The following SLC35F1 variants were observed in gnomAD, a reference collection of about 807,000 sequenced individuals.
The protein encoded by SLC35F1 is chromosome 6 open reading frame 169.
A neutral mutation model predicts 48.7 loss-of-function variants in SLC35F1; 14 were observed. The observed-to-expected ratio is 0.29, with a 90% CI of 0.19 to 0.45. The LOEUF (loss-of-function observed/expected upper bound fraction) is 0.45, where lower values mean the gene tolerates loss of function less well. SLC35F1 is among the 20% of genes least tolerant of loss of function. The probability of loss-of-function intolerance (pLI) is 1.00; values close to 1 mark genes in which losing one functional copy is unlikely to be tolerated. For missense variants in SLC35F1, 404 were observed against 500.0 expected (o/e 0.81, Z 1.83); for synonymous variants, 190 against 202.2 (o/e 0.94, Z 0.51).
chr6:118,263,464 G>T (rs1775736852), intron 3 of SLC35F1, among the ~76,000 whole-genome samples: 1 of 152,078 alleles, frequency 6.6e-6, no homozygotes. Context: ...GGGGAAAAAA[G>T]GAATCTATGT....
At chr6:118,094,152 C>T (rs2114350266) in intron 1 of SLC35F1, among the ~76,000 whole-genome samples, 1 of 152,074 alleles carries the variant, frequency 6.6e-6, no homozygotes, top group African/African-American at 2.4e-5. Flanking sequence ...AATCGAGATG[C>T]AAAGAAAGAG....
At chr6:117,952,999 C>T (rs190320601) in intron 1 of SLC35F1, among the ~76,000 whole-genome samples, 1 of 152,154 alleles carries the variant, frequency 6.6e-6, no homozygotes, top group Non-Finnish European at 1.5e-5. Flanking sequence ...CAGAGAGAAG[C>T]GAGAGAAGTG....
At chr6:118,259,930 G>A (rs568047409) in intron 3 of SLC35F1, among the ~76,000 whole-genome samples, 53 of 152,136 alleles carry the variant, frequency 3.5e-4, no homozygotes, top group Admixed American at 1.2e-3. Flanking sequence ...GAAAATGTTC[G>A]TTGCAGTATT....
At chr6:118,304,212 G>A (rs1018607615) in intron 7 of SLC35F1, among the ~76,000 whole-genome samples, 1 of 152,128 alleles carries the variant, frequency 6.6e-6, no homozygotes, top group South Asian at 2.1e-4. Context: ...GAGGATTCCT[G>A]TGACTTATGT....
chr6:117,912,972 A>G (rs191115365), intron 1 of SLC35F1, among the ~76,000 whole-genome samples: 2 of 152,346 alleles, frequency 1.3e-5, no homozygotes, highest in Admixed American at 6.5e-5. Context: ...GTACACATCT[A>G]TAGATGTAGA....
intron 3 of SLC35F1, among the ~76,000 whole-genome samples, chr6:118,242,919 T>A (rs1775460010): frequency 6.6e-6 from 1 of 152,228 alleles, no homozygotes; most frequent in African/African-American, 2.4e-5. Context: ...ACACAGTGCA[T>A]ATTTCACAGC....
At chr6:118,155,420 C>G (rs1562308239) in intron 2 of SLC35F1, among the ~76,000 whole-genome samples, 1 of 152,182 alleles carries the variant, frequency 6.6e-6, no homozygotes, top group Non-Finnish European at 1.5e-5. Context: ...ATGCCATTAT[C>G]ATGGGATTAA....
At chr6:118,035,976 G>A (rs1772126170) in intron 1 of SLC35F1, among the ~76,000 whole-genome samples, 1 of 152,080 alleles carries the variant, frequency 6.6e-6, no homozygotes, top group South Asian at 2.1e-4. Context: ...ACAGGCGTGA[G>A]CCACCGCACC....
At chr6:117,946,348 C>A (rs1776294989) in intron 1 of SLC35F1, among the ~76,000 whole-genome samples, 1 of 152,156 alleles carries the variant, frequency 6.6e-6, no homozygotes, top group Non-Finnish European at 1.5e-5. Flanking sequence ...ATATAATTCT[C>A]ACAACAATTC....
intron 1 of SLC35F1, among the ~76,000 whole-genome samples, chr6:118,122,265 A>C (rs1382884118): frequency 6.6e-6 from 1 of 151,634 alleles, no homozygotes; most frequent in African/African-American, 2.4e-5. Context: ...AAAACATGAA[A>C]ATGCAACAAA....
At chr6:118,196,453 T>C (rs2114529552) in intron 2 of SLC35F1, among the ~76,000 whole-genome samples, 1 of 152,302 alleles carries the variant, frequency 6.6e-6, no homozygotes, top group South Asian at 2.1e-4. Context: ...CAGTGGCTTA[T>C]GCCTGTAATC....
chr6:118,227,063 C>T (rs9481772), intron 2 of SLC35F1, among the ~76,000 whole-genome samples: 142,011 of 152,228 alleles, frequency 0.93, 66,299 homozygotes, highest in East Asian at 0.98. Context: ...CAGCCCACTG[C>T]GGAATGGCTC....
intron 1 of SLC35F1, among the ~76,000 whole-genome samples, chr6:118,092,935 C>G (rs1049518829): frequency 6.6e-6 from 1 of 152,142 alleles, no homozygotes; most frequent in Non-Finnish European, 1.5e-5. Flanking sequence ...TGCCTTGTCT[C>G]AGATAAGACT....
intron 1 of SLC35F1, among the ~76,000 whole-genome samples, chr6:117,980,203 T>A (rs1324029974): frequency 1.1e-4 from 16 of 152,132 alleles, no homozygotes. Flanking sequence ...GAAATCTACA[T>A]AAGTAAACCT....
intron 1 of SLC35F1, among the ~76,000 whole-genome samples, chr6:118,137,580 G>A (rs538017928): frequency 1.3e-5 from 2 of 152,214 alleles, no homozygotes; most frequent in East Asian, 3.9e-4. Context: ...ACTTATCAAA[G>A]TGCACTGGAC....
chr6:118,073,375 A>T (rs1484844280), intron 1 of SLC35F1, among the ~76,000 whole-genome samples: 1 of 152,224 alleles, frequency 6.6e-6, no homozygotes, highest in Admixed American at 6.5e-5. Context: ...TCAGTTGCTC[A>T]TTTGTAAATA....
chr6:118,296,904 C>T (rs1397844465), intron 7 of SLC35F1, among the ~76,000 whole-genome samples: 1 of 152,158 alleles, frequency 6.6e-6, no homozygotes, highest in Non-Finnish European at 1.5e-5. Flanking sequence ...ATTTTGTCAG[C>T]AGACCTGTGT....
intron 2 of SLC35F1, among the ~76,000 whole-genome samples, chr6:118,192,735 A>T (rs1055326389): frequency 2.0e-5 from 3 of 152,156 alleles, no homozygotes; most frequent in Non-Finnish European, 4.4e-5. Flanking sequence ...AAGGTTAAAC[A>T]TTATCTTTTA....
chr6:118,298,356 A>G (rs1281012883), intron 7 of SLC35F1, among the ~76,000 whole-genome samples: 2 of 151,986 alleles, frequency 1.3e-5, no homozygotes, highest in African/African-American at 4.8e-5. Context: ...CAACATCTCT[A>G]ATGTCTTTAC....
Sources: allele counts gnomAD v4.1 joint callset (sites outside exome capture counted in the v4.1 genomes callset), GRCh38; gene constraint gnomAD v4.1.1; transcripts MANE v1.5; gene names NCBI Gene and HGNC (gene_info 2026-07-23, HGNC 2026-07-21).